Variants in SLCO5A1 observed in about 807,000 individuals in gnomAD.
SLCO5A1 encodes solute carrier organic anion transporter family member 5A1.
Under a neutral mutation model 65.1 loss-of-function variants are expected in SLCO5A1, and 39 were observed. That is an observed-to-expected ratio of 0.60 (90% CI 0.46 to 0.78). SLCO5A1 has a LOEUF of 0.78. Among genes scored for constraint, SLCO5A1 ranks in the 30% least tolerant of loss-of-function variants. The pLI is 0.00. For missense variants in SLCO5A1, 1,029 were observed against 1,069.4 expected (o/e 0.96, Z 0.53); for synonymous variants, 438 against 415.7 (o/e 1.05, Z -0.65).
intron 4 of SLCO5A1, among the ~76,000 whole-genome samples, chr8:69,741,899 C>G (rs1215913350): frequency 6.6e-6 from 1 of 152,154 alleles, no homozygotes; most frequent in Non-Finnish European, 1.5e-5. Flanking sequence ...CTAAAGGGCA[C>G]AAAAACTAAA....
intron 9 of SLCO5A1, among the ~76,000 whole-genome samples, chr8:69,676,021 G>C (rs184661694): frequency 4.6e-4 from 70 of 152,262 alleles, no homozygotes; most frequent in African/African-American, 1.6e-3. Flanking sequence ...TGTTCCACCC[G>C]TACAAATGTA....
intron 2 of SLCO5A1, among the ~76,000 whole-genome samples, chr8:69,828,606 AAAAAAG>A (rs1212259658): frequency 2.0e-5 from 3 of 151,726 alleles, no homozygotes; most frequent in African/African-American, 2.4e-5. Context: ...GTCTCAAAAA[AAAAAAG>A]AAAAGAAAAG....
chr8:69,795,087 TG>T (rs1293701860), intron 2 of SLCO5A1, among the ~76,000 whole-genome samples: 3 of 152,122 alleles, frequency 2.0e-5, no homozygotes, highest in African/African-American at 4.8e-5. Context: ...CCTCCAACAT[TG>T]GGGATTACAA....
intron 2 of SLCO5A1, among the ~76,000 whole-genome samples, chr8:69,786,177 T>C (rs965991775): frequency 2.0e-5 from 3 of 152,224 alleles, no homozygotes; most frequent in Admixed American, 1.3e-4. Context: ...ATGTCAACTG[T>C]GATCACCAAA....
At chr8:69,742,752 G>A (rs1816839944) in intron 4 of SLCO5A1, among the ~76,000 whole-genome samples, 1 of 147,586 alleles carries the variant, frequency 6.8e-6, no homozygotes, top group South Asian at 2.2e-4. Context: ...AAAGCCTTTG[G>A]TCAAAATTCA....
intron 4 of SLCO5A1, among the ~76,000 whole-genome samples, chr8:69,742,098 C>T (rs1816810187): frequency 6.6e-6 from 1 of 152,150 alleles, no homozygotes; most frequent in Admixed American, 6.5e-5. Flanking sequence ...GTATTAGGGA[C>T]AGTAGAGTAC....
At chr8:69,735,011 G>A (rs1816495566) in intron 5 of SLCO5A1, among the ~76,000 whole-genome samples, 1 of 152,082 alleles carries the variant, frequency 6.6e-6, no homozygotes, top group Non-Finnish European at 1.5e-5. Flanking sequence ...GTGGGCAAAG[G>A]ACATGAACAG....
intron 6 of SLCO5A1, among the ~76,000 whole-genome samples, chr8:69,692,643 C>T (rs1042073460): frequency 6.6e-6 from 1 of 151,784 alleles, no homozygotes; most frequent in Non-Finnish European, 1.5e-5. Context: ...CTTTTTTTGC[C>T]GTTTTAAACT....
intron 4 of SLCO5A1, among the ~76,000 whole-genome samples, chr8:69,743,045 C>A (rs1816863328): frequency 6.6e-6 from 1 of 151,982 alleles, no homozygotes; most frequent in African/African-American, 2.4e-5. Flanking sequence ...TGTGATCTGC[C>A]CGCCTCGGCC....
chr8:69,788,463 C>T (rs752258972), intron 2 of SLCO5A1, among the ~76,000 whole-genome samples: 2 of 152,256 alleles, frequency 1.3e-5, no homozygotes, highest in Non-Finnish European at 2.9e-5. Flanking sequence ...GTGTATTCTA[C>T]ATTTAACTTA....
intron 8 of SLCO5A1, among the ~76,000 whole-genome samples, chr8:69,678,268 G>A (rs962485695): frequency 6.6e-6 from 1 of 151,942 alleles, no homozygotes; most frequent in Non-Finnish European, 1.5e-5. Flanking sequence ...AAGTTTTATT[G>A]GGGGTCTGAA....
chr8:69,809,547 T>C (rs1293742384), intron 2 of SLCO5A1, among the ~76,000 whole-genome samples: 1 of 152,176 alleles, frequency 6.6e-6, no homozygotes, highest in Non-Finnish European at 1.5e-5. Flanking sequence ...TAGAATCCTT[T>C]GAGTCATTTA....
intron 2 of SLCO5A1, among the ~76,000 whole-genome samples, chr8:69,808,396 CTTA>C (rs1410957664): frequency 6.6e-6 from 1 of 152,158 alleles, no homozygotes; most frequent in Non-Finnish European, 1.5e-5. Context: ...TTAGCTCCCA[CTTA>C]TAAGTGAGAA....
intron 5 of SLCO5A1, among the ~76,000 whole-genome samples, chr8:69,723,467 G>C (rs1466248544): frequency 6.6e-6 from 1 of 151,180 alleles, no homozygotes; most frequent in Non-Finnish European, 1.5e-5. Flanking sequence ...TGTTGCCCAG[G>C]CTCAAACTCC....
At chr8:69,804,805 TA>T (rs1431488476) in intron 2 of SLCO5A1, among the ~76,000 whole-genome samples, 1 of 152,040 alleles carries the variant, frequency 6.6e-6, no homozygotes, top group African/African-American at 2.4e-5. Flanking sequence ...TGTGCTGAAA[TA>T]AAAGTGAGAC....
Position 69,832,864 on chromosome 8 carries a change from G to A in SLCO5A1, c.-191C>T, listed in dbSNP as rs1462355894. ...CCCAGTGCATCCTGATCACAGACAC[G>A]GCTTCAAGGCTCCGCAGCCGCGTGC... is the stretch of plus-strand genomic sequence containing the variant. On this transcript the variant is annotated 5_prime_UTR_variant, in exon 2 of 10. Transcript: ENST00000260126. This position sits in a 1 kb window ranked among gnomAD's most constrained non-coding sequence, Gnocchi z 4.5. 1.5e-5 allele frequency: 10 copies of A among 646,402 alleles called. No homozygotes were observed. The highest frequency in any genetic ancestry group is 2.6e-5 in the Non-Finnish European group (10 of 385,778). The allele number at this position is 646,402 out of a possible 1,614,324, so 40.0% of individuals were successfully genotyped here.
intron 6 of SLCO5A1, among the ~76,000 whole-genome samples, chr8:69,695,683 A>G (rs1191422287): frequency 6.6e-6 from 1 of 152,116 alleles, no homozygotes; most frequent in East Asian, 1.9e-4. Flanking sequence ...ATTATCACCA[A>G]TTTTATATAT....
At position 69,691,339 on chromosome 8, in the gene SLCO5A1, C is replaced by T. The variant is rs960918454; in HGVS notation, c.1623-8996G>A. On this transcript the variant is annotated intron_variant, in intron 6 of 9. Transcript: ENST00000260126. ...AGTCTGAAGTTTCTGTTTTATTTTA[C>T]GGTGGTTAGAATACCTAACATGAAA... Among the ~76,000 whole-genome samples, 28 of 152,268 alleles carry T rather than the reference C, an allele frequency of 1.8e-4. 1 individual carries two copies. The South Asian group carries it at 2.7e-3, about 15-fold the overall frequency.
chr8:69,750,257 C>T (rs907109221), intron 4 of SLCO5A1, among the ~76,000 whole-genome samples: 4 of 152,070 alleles, frequency 2.6e-5, no homozygotes, highest in Admixed American at 2.6e-4. Context: ...GGGCAAGGGT[C>T]GATGCAGCAG....
Sources: gnomAD v4.1 joint callset for allele counts (sites outside exome capture counted in the v4.1 genomes callset) on GRCh38, gnomAD v4.1.1 for gene constraint, Gnocchi (gnomAD v3.1) non-coding constraint, MANE v1.5 for transcripts, NCBI Gene and HGNC (gene_info 2026-07-23, HGNC 2026-07-21) for gene names.